The following SPATA13 variants were observed in gnomAD, a reference collection of about 807,000 sequenced individuals.
The protein encoded by SPATA13 is spermatogenesis associated 13, also known as spermatogenesis-associated protein 13.
In SPATA13, 50 loss-of-function variants were observed where a neutral mutation model predicts 104.0. That is an observed-to-expected ratio of 0.48 (90% confidence interval 0.38 to 0.61). SPATA13 has a LOEUF of 0.61. Among genes scored for constraint, SPATA13 ranks in the 20% least tolerant of loss-of-function variants. SPATA13 has a pLI of 0.00. For missense variants in SPATA13, 1,524 were observed against 1,690.6 expected, an observed-to-expected ratio of 0.90 and a Z score of 1.73; for synonymous variants, 606 against 667.5, an observed-to-expected ratio of 0.91 and a Z score of 1.42.
upstream of SPATA13, chr13:24,160,587 A>C: frequency 3.2e-6 from 1 of 314,348 alleles, no homozygotes; most frequent in Non-Finnish European, 4.3e-6. Context: ...TGTGGTTGGT[A>C]GTGTGGGGGC....
intron 3 of SPATA13, among the ~76,000 whole-genome samples, chr13:24,081,191 T>C (rs1330774972): frequency 2.6e-5 from 4 of 152,228 alleles, no homozygotes; most frequent in Non-Finnish European, 5.9e-5. Context: ...ATTTGACTCC[T>C]TTCAGGTAGA....
chr13:24,093,230 T>C (rs761327481), intron 3 of SPATA13, among the ~76,000 whole-genome samples: 39 of 152,188 alleles, frequency 2.6e-4, no homozygotes, highest in Non-Finnish European at 4.9e-4. Context: ...TTCAAGCACG[T>C]TTTATAAAGG....
intron 1 of SPATA13, among the ~76,000 whole-genome samples, chr13:24,216,141 T>C (rs1264696906): frequency 6.6e-6 from 1 of 151,972 alleles, no homozygotes; most frequent in East Asian, 1.9e-4. Flanking sequence ...TGTGCAGAGG[T>C]TGGGGACGCA....
At chr13:24,201,615 GT>G (rs1870409762) in intron 1 of SPATA13, among the ~76,000 whole-genome samples, 1 of 152,006 alleles carries the variant, frequency 6.6e-6, no homozygotes, top group Admixed American at 6.6e-5. Context: ...TAATTTTTGT[GT>G]TTTTAGTAGA....
At chr13:24,189,444 A>G (rs1482024407) in intron 1 of SPATA13, among the ~76,000 whole-genome samples, 1 of 148,466 alleles carries the variant, frequency 6.7e-6, no homozygotes, top group African/African-American at 2.5e-5. Flanking sequence ...ACTGCACTCC[A>G]GCCTGGGTGA....
chr13:24,268,918 T>G (rs1874418239), intron 4 of SPATA13, among the ~76,000 whole-genome samples: 1 of 152,136 alleles, frequency 6.6e-6, no homozygotes, highest in South Asian at 2.1e-4. Flanking sequence ...ATGCTCCAGA[T>G]CAATAGAAAT....
intron 1 of SPATA13, among the ~76,000 whole-genome samples, chr13:23,981,325 A>G (rs531651267): frequency 6.6e-6 from 1 of 152,244 alleles, no homozygotes; most frequent in South Asian, 2.1e-4. Context: ...GTTTTTTTGT[A>G]GCTACAATAG....
At chr13:24,206,881 A>G (rs9580897) in intron 1 of SPATA13, among the ~76,000 whole-genome samples, 136,716 of 149,036 alleles carry the variant, frequency 0.92, 63,976 homozygotes, top group East Asian at 1. Flanking sequence ...AACGAGTGAA[A>G]CTCTGTCTCA....
intron 2 of SPATA13, among the ~76,000 whole-genome samples, chr13:23,986,555 C>T (rs1162337280): frequency 3.3e-5 from 5 of 152,198 alleles, no homozygotes; most frequent in Admixed American, 3.3e-4. Flanking sequence ...ATCCAGGAGT[C>T]CCCTAGTGTC....
In SPATA13 at chr13:24,302,784, C is replaced by G. The variant is rs1473478224; in HGVS notation, c.*11C>G. On this transcript the variant is annotated 3_prime_UTR_variant, in exon 13 of 13. Coordinates refer to ENST00000382108, the MANE Select transcript of SPATA13 (RefSeq NM_001166271.3). ...CCCTTCCGGAAATGAAAACAGGAGGCTGTGCTTCCATGGAGCTGGGTGTCA... is the reference window on the plus strand; with the variant it reads ...CCCTTCCGGAAATGAAAACAGGAGGGTGTGCTTCCATGGAGCTGGGTGTCA... The G allele has an allele frequency of 6.2e-7, 1 of 1,614,038 alleles. No individual in the cohort carries two copies. Among genetic ancestry groups the G allele is most frequent in the African/African-American group, 1.3e-5 (1 of 74,936 alleles).
intron 1 of SPATA13, among the ~76,000 whole-genome samples, chr13:24,198,034 C>T (rs148061832): frequency 0.019 from 2,872 of 152,232 alleles, 101 homozygotes; most frequent in African/African-American, 0.066. Context: ...CTAGTTCTGT[C>T]GCCCAGGCTG....
intron 3 of SPATA13, among the ~76,000 whole-genome samples, chr13:24,047,809 C>T (rs1243681259): frequency 6.6e-6 from 1 of 152,180 alleles, no homozygotes. Flanking sequence ...GACTCACCCA[C>T]GTGATCATGG....
intron 1 of SPATA13, among the ~76,000 whole-genome samples, chr13:24,169,544 C>T (rs2138502495): frequency 6.6e-6 from 1 of 152,326 alleles, no homozygotes; most frequent in Non-Finnish European, 1.5e-5. Context: ...TCTCCAGACT[C>T]TGCCCTGGAA....
chr13:24,021,040 C>T (rs992660943), intron 3 of SPATA13, among the ~76,000 whole-genome samples: 1 of 152,228 alleles, frequency 6.6e-6, no homozygotes, highest in Middle Eastern at 3.4e-3. Context: ...GACTCCATCT[C>T]AATAAATAAA....
chr13:24,108,395 G>T (rs896433302), intron 3 of SPATA13, among the ~76,000 whole-genome samples: 1 of 152,180 alleles, frequency 6.6e-6, no homozygotes, highest in Non-Finnish European at 1.5e-5. Context: ...CTAGTGGGAC[G>T]TGTGCCTGTT....
In SPATA13 at chr13:24,042,780, C is replaced by T. The variant is rs565392324; in HGVS notation, c.-112+25079C>T. ...CTGCCTCACTTGGTCAGCGGTGGAGCCCAAGAATCTGCATCTTACCAAGCT... is the reference window on the plus strand; with the variant it reads ...CTGCCTCACTTGGTCAGCGGTGGAGTCCAAGAATCTGCATCTTACCAAGCT... On this transcript the variant is annotated intron_variant, in intron 3 of 14. Coordinates refer to the SPATA13 transcript ENST00000424834. 2.6e-5 allele frequency among the ~76,000 whole-genome samples: 4 copies of T among 152,282 alleles called. No homozygotes were observed. In the East Asian group the frequency reaches 5.8e-4, roughly 22 times the overall value.
chr13:24,170,638 C>CTT (rs1882931166), intron 1 of SPATA13, among the ~76,000 whole-genome samples: 1 of 136,714 alleles, frequency 7.3e-6, no homozygotes, highest in Non-Finnish European at 1.7e-5. Context: ...AATTGGAACA[C>CTT]CTGTCTCCTG....
Position 24,240,216 on chromosome 13 carries a change from C to T in SPATA13, c.1654-9261C>T, listed in dbSNP as rs555857139. On this transcript the variant is annotated intron_variant, in intron 2 of 12. Transcript: ENST00000382108. ...TTGAGGCTGCAATGAGCCGTGATTGCACCACTGCACTGCAGCCTGATGACA... is the reference window on the plus strand; with the variant it reads ...TTGAGGCTGCAATGAGCCGTGATTGTACCACTGCACTGCAGCCTGATGACA... 3.3e-5 allele frequency among the ~76,000 whole-genome samples: 5 copies of T among 151,802 alleles called. No homozygotes were observed. The South Asian group carries it at 6.3e-4, about 19-fold the overall frequency.
intron 4 of SPATA13, among the ~76,000 whole-genome samples, chr13:24,266,902 C>T (rs1405224841): frequency 6.6e-6 from 1 of 152,074 alleles, no homozygotes. Context: ...AGTGATCCTT[C>T]CTCCTCAGCC....
Sources: allele counts gnomAD v4.1 joint callset (sites outside exome capture counted in the v4.1 genomes callset), GRCh38; gene constraint gnomAD v4.1.1; transcripts MANE v1.5; gene names NCBI Gene and HGNC (gene_info 2026-07-23, HGNC 2026-07-21).